ADCY3: variants seen among roughly 807,000 people sequenced by gnomAD.
The protein encoded by ADCY3 is adenylate cyclase 3.
ADCY3 carries 70 observed loss-of-function variants against 119.4 expected under a neutral mutation model. The ratio of observed to expected loss-of-function variants is 0.59; its 90% CI spans 0.48 to 0.72. The LOEUF is 0.72. Ranked by LOEUF, ADCY3 falls within the 30% of genes least tolerant of loss-of-function variation. The pLI, the probability that ADCY3 is intolerant of heterozygous loss-of-function variation, is 0.00. For synonymous variants in ADCY3, 672 were observed against 621.4 expected (o/e 1.08, Z -1.21); for missense variants, 1,238 against 1,541.6 (o/e 0.80, Z 3.30).
rs1671081810 is a variant in ADCY3 at position 24,842,136 on chromosome 2, G to A, written c.956+118C>T. ...GCCAGGCTGATGAATGCTGTGGGAG[G>A]CCTTGCTTCTAGTCCCTGGAAAACC... On this transcript the variant is annotated intron_variant, in intron 4 of 21. Coordinates refer to ENST00000679454, the MANE Select transcript of ADCY3 (RefSeq NM_004036.5). The surrounding 1 kb of genome is among the most constrained non-coding windows in gnomAD (Gnocchi z 4.9). The A allele has an allele frequency of 2.1e-6, 3 of 1,400,070 alleles. No individual in the cohort carries two copies. The Admixed American group carries it at 5.7e-5, about 26-fold the overall frequency. The allele number at this position is 1,400,070 out of a possible 1,614,324, so 86.7% of individuals were successfully genotyped here.
chr2:24,827,697 C>A, intron 14 of ADCY3, 89 bp from the exon 15 acceptor site: 1 of 1,461,670 alleles, frequency 6.8e-7, no homozygotes, highest in Non-Finnish European at 9.4e-7. Flanking sequence ...AAGTCCTCCA[C>A]TCGGGGAGAA....
intron 8 of ADCY3, 117 bp from the exon 9 acceptor site, chr2:24,837,162 G>A (rs1345700792): frequency 4.1e-6 from 5 of 1,225,838 alleles, no homozygotes; most frequent in Non-Finnish European, 5.6e-6. Context: ...TGAGGCCACA[G>A]AACTTGCTTG....
chr2:24,891,165 G>C (rs72848431), intron 2 of ADCY3, among the ~76,000 whole-genome samples: 17,782 of 152,154 alleles, frequency 0.12, 3,297 homozygotes, highest in African/African-American at 0.39. Context: ...CACTGCGCCC[G>C]GCCTAGACCT....
intron 16 of ADCY3, chr2:24,825,764 CAAG>C: frequency 2.2e-6 from 1 of 461,854 alleles, no homozygotes. Flanking sequence ...TGATTTGATT[CAAG>C]ATGTTTGTGC....
intron 21 of ADCY3, chr2:24,820,342 C>T: frequency 7.5e-7 from 1 of 1,337,514 alleles, no homozygotes; most frequent in Non-Finnish European, 9.5e-7. Flanking sequence ...AGAGACTTCT[C>T]TCCTAGGATG....
chr2:24,850,705 AACTTG>A (rs1672190944), intron 3 of ADCY3, among the ~76,000 whole-genome samples: 1 of 152,264 alleles, frequency 6.6e-6, no homozygotes, highest in Non-Finnish European at 1.5e-5. Flanking sequence ...TCTGCATTGC[AACTTG>A]ACTTAACCCT....
intron 3 of ADCY3, among the ~76,000 whole-genome samples, chr2:24,849,202 C>G (rs17046668): frequency 6.6e-6 from 1 of 152,200 alleles, no homozygotes; most frequent in Non-Finnish European, 1.5e-5. Context: ...TTCAGAAAAG[C>G]CTCTTCAGGC....
chr2:24,911,712 G>A (rs193084745), intron 2 of ADCY3, among the ~76,000 whole-genome samples: 98 of 125,182 alleles, frequency 7.8e-4, no homozygotes, highest in African/African-American at 4.1e-3. Flanking sequence ...GGTTGTGTAC[G>A]TGTGTGTGTG....
rs1403903980 is a variant in ADCY3, at chr2:24,866,081, C to A, written c.825+6489G>T. Among the ~76,000 whole-genome samples, 3 of 152,114 alleles carry A rather than the reference C, an allele frequency of 2.0e-5. No homozygotes were observed. The East Asian group carries it at 5.8e-4, about 29-fold the overall frequency. ...TTTAGTATTTGCATGGGGCAAGAGA[C>A]CAAGAATCCAAGCAGAAAGTGAGAC... On this transcript the variant is annotated intron_variant, in intron 3 of 21. Transcript: ENST00000679454.
At chr2:24,910,513 T>A (rs1663457941) in intron 2 of ADCY3, among the ~76,000 whole-genome samples, 2 of 152,246 alleles carry the variant, frequency 1.3e-5, no homozygotes, top group Admixed American at 1.3e-4. Context: ...TCAGTAACAC[T>A]GAGTAATGAG....
In ADCY3 at chr2:24,853,183, C is replaced by T. The variant is rs1270033532; in HGVS notation, c.826-10799G>A. Reference sequence around the variant, plus strand: ...CGAGGACTGGGGTATAAGGAAGCTGCAGAAAACAAGACCCTCAAAGCCAGT... The same window carrying T: ...CGAGGACTGGGGTATAAGGAAGCTGTAGAAAACAAGACCCTCAAAGCCAGT... On this transcript the variant is annotated intron_variant, in intron 3 of 21. Coordinates refer to ENST00000679454, the MANE Select transcript of ADCY3 (RefSeq NM_004036.5). Among the ~76,000 whole-genome samples the T allele has an allele frequency of 3.3e-5, 5 of 152,068 alleles. No individual in the cohort carries two copies. The East Asian group carries it at 9.7e-4, about 29-fold the overall frequency.
intron 2 of ADCY3, among the ~76,000 whole-genome samples, chr2:24,903,136 G>A (rs1384221942): frequency 2.1e-5 from 3 of 142,288 alleles, no homozygotes; most frequent in Non-Finnish European, 3.0e-5. Flanking sequence ...GACACAGAGA[G>A]AGACTCTATC....
Position 24,898,313 on chromosome 2 carries a change from G to T in ADCY3, c.675+20000C>A, listed in dbSNP as rs773550365. ...GCTCGAGGACCGCCTTTCCATCACC[G>T]TGGGGTGAGCCCCACCCTCGCACCG... On this transcript the variant is annotated intron_variant, in intron 2 of 21. Coordinates refer to ENST00000679454, the MANE Select transcript of ADCY3 (RefSeq NM_004036.5). The surrounding 1 kb of genome is among the most constrained non-coding windows in gnomAD (Gnocchi z 4.3). Among the ~76,000 whole-genome samples, 2 of 152,020 alleles carry T rather than the reference G, an allele frequency of 1.3e-5. No individual in the cohort carries two copies. Among genetic ancestry groups the T allele is most frequent in the African/African-American group, 4.8e-5 (2 of 41,374 alleles).
Position 24,898,337 on chromosome 2 carries a change from C to T in ADCY3, c.675+19976G>A, listed in dbSNP as rs372029824. 9.5e-4 allele frequency among the ~76,000 whole-genome samples: 144 copies of T among 152,144 alleles called. No homozygotes were observed. The highest frequency in any genetic ancestry group is 3.4e-3 in the Middle Eastern group (1 of 294). ...CGTGGGGTGAGCCCCACCCTCGCAC[C>T]GAGAAGAAAGGAAGGGAGTGGACCT... On this transcript the variant is annotated intron_variant, in intron 2 of 21. Coordinates refer to ENST00000679454, the MANE Select transcript of ADCY3 (RefSeq NM_004036.5). The surrounding 1 kb of genome is among the most constrained non-coding windows in gnomAD (Gnocchi z 4.3).
At position 24,893,703 on chromosome 2, in the gene ADCY3, G is replaced by A. The variant is rs146445003; in HGVS notation, c.676-20984C>T. Among the ~76,000 whole-genome samples the A allele has an allele frequency of 7.4e-3, 1,123 of 151,648 alleles. 11 individuals carry two copies. Among genetic ancestry groups the A allele is most frequent in the African/African-American group, 0.026 (1,059 of 41,312 alleles). On this transcript the variant is annotated intron_variant, in intron 2 of 21. Coordinates refer to ENST00000679454, the MANE Select transcript of ADCY3 (RefSeq NM_004036.5). Reference sequence around the variant, plus strand: ...ACTGCAGCTTCGACCTCTCAGGCTCGCTCAAATGATCCTCCCATCTCAGCC... The same window carrying A: ...ACTGCAGCTTCGACCTCTCAGGCTCACTCAAATGATCCTCCCATCTCAGCC...
rs764432587 is a variant in ADCY3 at position 24,821,619 on chromosome 2, G to A, written c.3025C>T (p.Arg1009Cys). Residue 1009 changes from arginine to cysteine, a missense_variant, in exon 20 of 22, where the codon CGC becomes TGC. Transcript: ENST00000679454. ...SNKEDKSERERWQHLADLADF... is the reference protein window; with the variant it reads ...SNKEDKSERECWQHLADLADF... ...GCCAGGTCAGCCAGGTGCTGCCAGC[G>A]CTCTCTCTCGGACTTGTCTTCCTGT... 8.1e-6 allele frequency: 13 copies of A among 1,613,934 alleles called. No homozygotes were observed. Among genetic ancestry groups the A allele is most frequent in the South Asian group, 4.4e-5 (4 of 91,088 alleles).
At chr2:24,904,117 AAAGG>A (rs2149009356) in intron 2 of ADCY3, among the ~76,000 whole-genome samples, 1 of 148,024 alleles carries the variant, frequency 6.8e-6, no homozygotes, top group East Asian at 2.0e-4. Context: ...CAAAATGCAA[AAAGG>A]AAGGAAGGAA....
intron 2 of ADCY3, among the ~76,000 whole-genome samples, chr2:24,886,552 C>T (rs1329022412): frequency 3.9e-5 from 6 of 152,220 alleles, no homozygotes; most frequent in Non-Finnish European, 7.3e-5. Flanking sequence ...TCACTCTGCC[C>T]TCCTGCTTCG....
chr2:24,847,915 G>C (rs2148629063), intron 3 of ADCY3, among the ~76,000 whole-genome samples: 1 of 152,346 alleles, frequency 6.6e-6, no homozygotes, highest in Non-Finnish European at 1.5e-5. Flanking sequence ...TCTCTGGTCA[G>C]TAATCCCGGG....
Sources: allele counts gnomAD v4.1 joint callset (sites outside exome capture counted in the v4.1 genomes callset), GRCh38; gene constraint gnomAD v4.1.1; non-coding constraint Gnocchi (gnomAD v3.1); transcripts MANE v1.5; gene names NCBI Gene and HGNC (gene_info 2026-07-23, HGNC 2026-07-21).